Variants in ENPP2 observed in about 807,000 individuals in gnomAD.
ENPP2 encodes autotaxin.
ENPP2 carries 51 observed loss-of-function variants against 120.2 expected under a neutral mutation model. That is an observed-to-expected ratio of 0.42 (90% CI 0.34 to 0.54). The LOEUF (loss-of-function observed/expected upper bound fraction) is 0.54, where lower values mean the gene tolerates loss of function less well. Among genes scored for constraint, ENPP2 ranks in the 20% least tolerant of loss-of-function variants. The pLI is 0.04. For synonymous variants in ENPP2, 365 were observed against 366.4 expected (o/e 1.00, Z 0.04); for missense variants, 920 against 1,066.5 (o/e 0.86, Z 1.91).
chr8:119,639,856 C>T (rs916226752), upstream of ENPP2, among the ~76,000 whole-genome samples: 2 of 152,160 alleles, frequency 1.3e-5, no homozygotes, highest in African/African-American at 4.8e-5. Context: ...AAGAAAAAAT[C>T]AAGGGCTCTA....
chr8:119,631,085 G>A (rs1385159531), intron 2 of ENPP2, among the ~76,000 whole-genome samples: 8 of 149,352 alleles, frequency 5.4e-5, no homozygotes, highest in East Asian at 2.0e-4. Context: ...TGGTAGAGAC[G>A]GGGTTTCACC....
At chr8:119,609,282 T>C (rs1385359158) in intron 8 of ENPP2, among the ~76,000 whole-genome samples, 2 of 152,128 alleles carry the variant, frequency 1.3e-5, no homozygotes, top group East Asian at 3.9e-4. Flanking sequence ...ACAGCTACTG[T>C]AGCTGGCAAA....
In ENPP2 at chr8:119,590,506, T is replaced by C. The variant is rs749288028; in HGVS notation, c.1206A>G (p.Lys402=). The C allele has an allele frequency of 6.3e-7, 1 of 1,596,700 alleles. No homozygotes were observed. The highest frequency in any genetic ancestry group is 2.3e-5 in the East Asian group (1 of 43,938). Residue 402 remains lysine (K), a splice_region_variant and synonymous_variant, in exon 13 of 25, where the codon AAA becomes AAG. Transcript: ENST00000075322. The part of the protein sequence containing the change: ...RIRSKFSNNA[K]YDPKAIIANL... ...TTAATATTTTAAGAATCAACTTACA[T>C]TTAGCATTGTTGCTAAATTTGGATC...
intron 2 of ENPP2, among the ~76,000 whole-genome samples, chr8:119,631,430 A>G (rs1416710752): frequency 6.9e-6 from 1 of 144,556 alleles, no homozygotes; most frequent in African/African-American, 2.6e-5. Flanking sequence ...GTTAGCCAGG[A>G]TGGTCTCGAT....
intron 2 of ENPP2, among the ~76,000 whole-genome samples, chr8:119,636,080 G>A (rs1482648503): frequency 1.3e-5 from 2 of 152,132 alleles, no homozygotes; most frequent in Admixed American, 6.6e-5. Context: ...GAGCTTCCCA[G>A]GATTTCTTTG....
chr8:119,635,592 A>G (rs1816950390), intron 2 of ENPP2, among the ~76,000 whole-genome samples: 1 of 152,262 alleles, frequency 6.6e-6, no homozygotes, highest in Admixed American at 6.5e-5. Flanking sequence ...TATGAGAAAA[A>G]GATGTCAAAC....
rs147145968 is a variant in ENPP2, at chr8:119,580,143, G to A, written c.1753C>T (p.Arg585Trp). ...TCTGTAGACCCTTTTGTATGAAGCC[G>A]TTTGTTGAGTTCATCCAACTTGTTC... is the stretch of plus-strand genomic sequence containing the variant. ...PKNKLDELNK[R>W]LHTKGSTEER... The change falls in exon 19 of 25, where the codon CGG becomes TGG. Residue 585 changes from arginine (R) to tryptophan (W), a missense_variant. By Grantham distance (101) the Arg-to-Trp change is moderately radical (BLOSUM62 -3). Coordinates refer to ENST00000075322, the MANE Select transcript of ENPP2 (RefSeq NM_001040092.3). The A allele has an allele frequency of 1.1e-4, 179 of 1,613,030 alleles. No individual in the cohort carries two copies. In the African/African-American group the frequency reaches 1.4e-3, roughly 13 times the overall value.
Position 119,587,132 on chromosome 8 carries a change from T to A in ENPP2, c.1208-57A>T, listed in dbSNP as rs1813171216. The A allele has an allele frequency of 2.1e-6, 3 of 1,424,712 alleles. No homozygotes were observed. The East Asian group carries it at 7.0e-5, about 33-fold the overall frequency. The allele number at this position is 1,424,712 out of a possible 1,614,324, so 88.3% of individuals were successfully genotyped here. On this transcript the variant is annotated intron_variant, in intron 13 of 24. Transcript: ENST00000075322. ...AAATAACAACCATTACCAAGAGAAA[T>A]CATTTTTGCAGCAAGATACTCAATT...
chr8:119,562,711 C>T lies in ENPP2; in HGVS notation c.2421+146G>A, dbSNP rs1814063479. The T allele has an allele frequency of 8.1e-6, 6 of 740,292 alleles. No individual in the cohort carries two copies. The South Asian group carries it at 1.6e-4, about 19-fold the overall frequency. The allele number at this position is 740,292 out of a possible 1,614,324, so 45.9% of individuals were successfully genotyped here. On this transcript the variant is annotated intron_variant, in intron 24 of 24. Transcript: ENST00000075322. The stretch of plus-strand genomic sequence containing the variant: ...GAAGGCAAAATTCCTACATGTTAAG[C>T]AAAGTTCTGTTTGGTTCCTTTCTTT...
At position 119,562,840 on chromosome 8, in the gene ENPP2, T is replaced by C. The variant is rs371173289; in HGVS notation, c.2421+17A>G. 5.3e-5 allele frequency: 86 copies of C among 1,611,264 alleles called. No homozygotes were observed. The highest frequency in any genetic ancestry group is 7.1e-5 in the Non-Finnish European group (84 of 1,178,624). On this transcript the variant is annotated intron_variant, in intron 24 of 24. Coordinates refer to ENST00000075322, the MANE Select transcript of ENPP2 (RefSeq NM_001040092.3). Reference sequence around the variant, plus strand: ...ACTATGGAAGCAAATCCTAAAGGACTCTCTCTGTAAACTCACATTGCAGCT... The same window carrying C: ...ACTATGGAAGCAAATCCTAAAGGACCCTCTCTGTAAACTCACATTGCAGCT...
At chr8:119,669,921 T>C (rs1818191214) in intron 1 of ENPP2, among the ~76,000 whole-genome samples, 2 of 152,236 alleles carry the variant, frequency 1.3e-5, no homozygotes, top group Non-Finnish European at 2.9e-5. Context: ...TTCTTATCTC[T>C]AGCATCCCAA....
At chr8:119,561,572 C>A (rs72688207) in intron 24 of ENPP2, among the ~76,000 whole-genome samples, 23,791 of 152,108 alleles carry the variant, frequency 0.16, 2,446 homozygotes, top group Non-Finnish European at 0.23. Flanking sequence ...CCCTGAGTGT[C>A]AAGTTAGTAC....
In ENPP2 at chr8:119,582,495, G is replaced by C. The variant is rs753500207; in HGVS notation, c.1651C>G (p.Pro551Ala). ...AGGTACATAATCCCTGGATAATTGG[G>C]TCTGGTAACTTCCTCTGGCATGGTT... Reference protein sequence around the residue: ...RPTMPEEVTRPNYPGIMYLQS... With the variant: ...RPTMPEEVTRANYPGIMYLQS... Residue 551 changes from proline to alanine, a missense_variant, in exon 18 of 25, where the codon CCC becomes GCC. Coordinates refer to ENST00000075322, the MANE Select transcript of ENPP2 (RefSeq NM_001040092.3). The C allele has an allele frequency of 6.2e-7, 1 of 1,614,008 alleles. No homozygotes were observed. The highest frequency in any genetic ancestry group is 8.5e-7 in the Non-Finnish European group (1 of 1,179,882).
chr8:119,616,456 T>G, intron 7 of ENPP2, 72 bp from the exon 8 acceptor site: 1 of 1,188,862 alleles, frequency 8.4e-7, no homozygotes, highest in Non-Finnish European at 1.2e-6. Context: ...TAGTATGAAT[T>G]TTCTTAGCAT....
intron 1 of ENPP2, among the ~76,000 whole-genome samples, chr8:119,655,488 TCTATGGACTTGA>T (rs1376247556): frequency 3.3e-5 from 5 of 152,192 alleles, no homozygotes; most frequent in Non-Finnish European, 7.3e-5. Context: ...GCTCACTAGC[TCTATGGACTTGA>T]CTGAGTTAGG....
chr8:119,618,798 T>C (rs1042674781), intron 5 of ENPP2, among the ~76,000 whole-genome samples: 4 of 151,920 alleles, frequency 2.6e-5, no homozygotes, highest in African/African-American at 9.7e-5. Flanking sequence ...GCCTCCCAAG[T>C]GCTGGGATTA....
intron 1 of ENPP2, among the ~76,000 whole-genome samples, chr8:119,666,075 G>A (rs1818059732): frequency 6.6e-6 from 1 of 152,144 alleles, no homozygotes; most frequent in Non-Finnish European, 1.5e-5. Context: ...TGCTGTTAAA[G>A]ACAAGCAGGT....
In ENPP2 at chr8:119,580,137, G is replaced by A. The variant is rs143703655; in HGVS notation, c.1759C>T (p.His587Tyr). The change falls in exon 19 of 25, where the codon CAT becomes TAT. Residue 587 changes from histidine to tyrosine, a missense_variant. Coordinates refer to ENST00000075322, the MANE Select transcript of ENPP2 (RefSeq NM_001040092.3). ...NKLDELNKRLHTKGSTEERHL... is the reference protein window; with the variant it reads ...NKLDELNKRLYTKGSTEERHL... ...TTACCTTCTGTAGACCCTTTTGTAT[G>A]AAGCCGTTTGTTGAGTTCATCCAAC... The A allele has an allele frequency of 3.1e-6, 5 of 1,613,424 alleles. No individual in the cohort carries two copies. Among genetic ancestry groups the A allele is most frequent in the Non-Finnish European group, 4.2e-6 (5 of 1,179,348 alleles).
At chr8:119,650,631 G>A (rs1329371137) in intron 1 of ENPP2, among the ~76,000 whole-genome samples, 3 of 152,166 alleles carry the variant, frequency 2.0e-5, no homozygotes, top group South Asian at 4.2e-4. Flanking sequence ...GAGTCAACCC[G>A]GTTATCCTCT....
Sources: allele counts gnomAD v4.1 joint callset (sites outside exome capture counted in the v4.1 genomes callset), GRCh38; gene constraint gnomAD v4.1.1; transcripts MANE v1.5; gene names NCBI Gene and HGNC (gene_info 2026-07-23, HGNC 2026-07-21).